Variants in STAC observed in about 807,000 individuals in gnomAD.
STAC encodes the protein SH3 and cysteine-rich domain-containing protein.
STAC carries 43 observed loss-of-function variants against 48.8 expected under a neutral mutation model. The observed-to-expected ratio is 0.88, with a 90% CI of 0.69 to 1.14. The LOEUF is 1.14. Among genes scored for constraint, STAC ranks in the 50% most tolerant of loss-of-function variants. The pLI is 0.00. For synonymous variants in STAC, 193 were observed against 179.5 expected (o/e 1.07, Z -0.60); for missense variants, 497 against 504.0 (o/e 0.99, Z 0.13).
intron 1 of STAC, among the ~76,000 whole-genome samples, chr3:36,393,179 C>G (rs1699788012): frequency 6.6e-6 from 1 of 152,114 alleles, no homozygotes; most frequent in African/African-American, 2.4e-5. Flanking sequence ...GCATAAAATC[C>G]ATTAAATCAG....
intron 1 of STAC, among the ~76,000 whole-genome samples, chr3:36,419,987 TTTC>T (rs1187480097): frequency 1.3e-5 from 2 of 152,254 alleles, no homozygotes; most frequent in Non-Finnish European, 2.9e-5. Context: ...ATTTTTTTGC[TTTC>T]TTTTTAAATT....
In STAC at chr3:36,528,859, A is replaced by C. The variant is rs1243822072; in HGVS notation, c.984A>C (p.Gln328His). Residue 328 changes from glutamine (Q) to histidine (H), a missense_variant, in exon 10 of 11, where the codon CAA becomes CAC. Gln to His is a conservative substitution (Grantham distance 24, BLOSUM62 0). Transcript: ENST00000273183. ...SNEDWWKGKI[Q>H]DRIGFFPANF... ...CTTTTTCCTTTCAGGGGAAAATTCAAGACAGAATTGGCTTCTTTCCAGCCA... is the reference window on the plus strand; with the variant it reads ...CTTTTTCCTTTCAGGGGAAAATTCACGACAGAATTGGCTTCTTTCCAGCCA... 1.2e-6 allele frequency: 2 copies of C among 1,613,088 alleles called. No homozygotes were observed. The highest frequency in any genetic ancestry group is 1.7e-6 in the Non-Finnish European group (2 of 1,179,476).
intron 2 of STAC, among the ~76,000 whole-genome samples, chr3:36,463,055 A>C (rs1697063337): frequency 6.6e-6 from 1 of 152,166 alleles, no homozygotes; most frequent in Non-Finnish European, 1.5e-5. Flanking sequence ...TACAAGGTGG[A>C]CTTTGTTTTG....
intron 8 of STAC, among the ~76,000 whole-genome samples, chr3:36,517,001 T>G (rs1698689516): frequency 6.6e-6 from 1 of 152,162 alleles, no homozygotes; most frequent in South Asian, 2.1e-4. Flanking sequence ...TGAGACCTTG[T>G]CCAACTGGTC....
chr3:36,427,602 C>T (rs1700596658), intron 1 of STAC, among the ~76,000 whole-genome samples: 1 of 152,096 alleles, frequency 6.6e-6, no homozygotes, highest in African/African-American at 2.4e-5. Flanking sequence ...CTAGATTCAC[C>T]AGATTCACTT....
At chr3:36,453,403 C>T (rs926885225) in intron 2 of STAC, among the ~76,000 whole-genome samples, 3 of 152,200 alleles carry the variant, frequency 2.0e-5, no homozygotes, top group African/African-American at 7.2e-5. Flanking sequence ...GCGTGAGTTC[C>T]GGGTGGGCGT....
intron 2 of STAC, among the ~76,000 whole-genome samples, chr3:36,448,674 C>G (rs1460523138): frequency 6.6e-6 from 1 of 152,124 alleles, no homozygotes; most frequent in Non-Finnish European, 1.5e-5. Flanking sequence ...TTGAAAAGAT[C>G]TCATCTGGAA....
At chr3:36,503,080 C>A (rs1431932514) in intron 6 of STAC, among the ~76,000 whole-genome samples, 1 of 152,120 alleles carries the variant, frequency 6.6e-6, no homozygotes, top group South Asian at 2.1e-4. Flanking sequence ...GGTTATAGAG[C>A]TTTCTGTGGT....
At chr3:36,384,406 G>GCTA (rs1370604974) in intron 1 of STAC, among the ~76,000 whole-genome samples, 1 of 152,122 alleles carries the variant, frequency 6.6e-6, no homozygotes, top group African/African-American at 2.4e-5. Context: ...TGATGGGGCT[G>GCTA]CTACTACCCA....
At chr3:36,398,335 G>GC (rs1699901264) in intron 1 of STAC, among the ~76,000 whole-genome samples, 3 of 132,730 alleles carry the variant, frequency 2.3e-5, no homozygotes, top group Non-Finnish European at 5.0e-5. Context: ...AAGAAAGAAA[G>GC]AAAGAAAGAA....
chr3:36,538,188 G>A (rs1699242713), intron 10 of STAC, among the ~76,000 whole-genome samples: 1 of 151,962 alleles, frequency 6.6e-6, no homozygotes, highest in East Asian at 1.9e-4. Flanking sequence ...GTCATTAAAT[G>A]TTTATCAAAA....
At chr3:36,484,725 A>G (rs78344468) in intron 3 of STAC, among the ~76,000 whole-genome samples, 2,130 of 152,340 alleles carry the variant, frequency 0.014, 22 homozygotes, top group Non-Finnish European at 0.021. Context: ...GGAGGAGGAC[A>G]GACACGACTG....
intron 8 of STAC, among the ~76,000 whole-genome samples, chr3:36,508,120 T>A (rs1392968173): frequency 6.6e-6 from 1 of 152,216 alleles, no homozygotes; most frequent in Non-Finnish European, 1.5e-5. Context: ...GTACATTGTG[T>A]CTTTGTTCTC....
chr3:36,462,030 G>GTGGAAGACCTAGCCAGA (rs1697033622), intron 2 of STAC, among the ~76,000 whole-genome samples: 8 of 152,080 alleles, frequency 5.3e-5, no homozygotes, highest in Admixed American at 4.6e-4. Context: ...ACAGTTAGGA[G>GTGGAAGACCTAGCCAGA]GCTATTACAG....
chr3:36,527,148 A>G (rs981886548), intron 8 of STAC, among the ~76,000 whole-genome samples: 3 of 152,228 alleles, frequency 2.0e-5, no homozygotes. Context: ...TCAGTCTTTC[A>G]TAAAAAGAGA....
intron 8 of STAC, among the ~76,000 whole-genome samples, chr3:36,508,489 C>G (rs1156242895): frequency 2.0e-5 from 3 of 152,142 alleles, no homozygotes; most frequent in African/African-American, 7.2e-5. Flanking sequence ...AATTTTCTGT[C>G]TCATTGATCT....
intron 1 of STAC, among the ~76,000 whole-genome samples, chr3:36,442,865 T>C (rs758963824): frequency 1.3e-5 from 2 of 151,788 alleles, no homozygotes; most frequent in African/African-American, 2.4e-5. Flanking sequence ...TTGTGTCCTG[T>C]GGATAGTTTA....
chr3:36,490,510 A>C (rs548905795), intron 5 of STAC, among the ~76,000 whole-genome samples: 1 of 152,298 alleles, frequency 6.6e-6, no homozygotes, highest in South Asian at 2.1e-4. Context: ...ATCTCACTTC[A>C]GTGCAAGCCT....
intron 10 of STAC, among the ~76,000 whole-genome samples, chr3:36,541,159 C>T (rs555064220): frequency 6.6e-6 from 1 of 152,004 alleles, no homozygotes; most frequent in Admixed American, 6.5e-5. Flanking sequence ...CTTCCTAAGG[C>T]ATCTCTTTTA....
Sources: gnomAD v4.1 joint callset for allele counts (sites outside exome capture counted in the v4.1 genomes callset) on GRCh38, gnomAD v4.1.1 for gene constraint, MANE v1.5 for transcripts, NCBI Gene and HGNC (gene_info 2026-07-23, HGNC 2026-07-21) for gene names.